NCAPD2: variants seen among roughly 807,000 people sequenced by gnomAD.
NCAPD2 encodes condensin complex subunit 1.
Under a neutral mutation model 164.5 loss-of-function variants are expected in NCAPD2, and 100 were observed. That is an observed-to-expected ratio of 0.61 (90% confidence interval 0.52 to 0.72). The LOEUF (loss-of-function observed/expected upper bound fraction) is 0.72. Ranked by LOEUF, NCAPD2 falls within the 30% of genes least tolerant of loss-of-function variation. The probability of loss-of-function intolerance (pLI) is 0.00; values close to 1 mark genes in which losing one functional copy is unlikely to be tolerated. For missense variants in NCAPD2, 1,560 were observed against 1,749.2 expected (o/e 0.89, Z 1.93); for synonymous variants, 585 against 642.6 (o/e 0.91, Z 1.36).
chr12:6,505,240 A>G (rs575538910), intron 2 of NCAPD2, among the ~76,000 whole-genome samples: 2 of 152,028 alleles, frequency 1.3e-5, no homozygotes, highest in South Asian at 4.2e-4. Flanking sequence ...CTAATTTTGT[A>G]TCTTTAGTAG....
chr12:6,510,438 TG>T (rs773249790), intron 4 of NCAPD2, 190 bp from the exon 5 acceptor site: 1 of 799,396 alleles, frequency 1.3e-6, no homozygotes, highest in South Asian at 1.3e-5. Context: ...GTAACTGGAG[TG>T]AGAGAGTAGG....
Position 6,514,263 on chromosome 12 carries a change from A to G in NCAPD2, c.588-2A>G. 3 of 1,614,190 alleles carry G rather than the reference A, an allele frequency of 1.9e-6. No homozygotes were observed. The highest frequency in any genetic ancestry group is 2.5e-6 in the Non-Finnish European group (3 of 1,180,034). ...CATCATCTCAAACTCTTCCTTTCTC[A>G]GTTTGGTTACTGGCTGTTGCTACCG... On this transcript the variant is annotated splice_acceptor_variant, in intron 6 of 31. Transcript: ENST00000315579. LOFTEE classifies it high-confidence loss of function.
chr12:6,523,911 A>G (rs924546426), intron 17 of NCAPD2, among the ~76,000 whole-genome samples: 3 of 152,156 alleles, frequency 2.0e-5, no homozygotes, highest in Non-Finnish European at 2.9e-5. Flanking sequence ...AATAATAACA[A>G]CCTCACTTAT....
Position 6,528,278 on chromosome 12 carries a change from C to A in NCAPD2, c.3249C>A (p.Ala1083=). 3.7e-6 allele frequency: 6 copies of A among 1,613,798 alleles called. No homozygotes were observed. Among genetic ancestry groups the A allele is most frequent in the Non-Finnish European group, 4.2e-6 (5 of 1,179,948 alleles). Reference sequence around the variant, plus strand: ...TCATGGTTGCCACTGGGGATCTGGCCATCCGCTTTCCCAATCTGGTGGACC... The same window carrying A: ...TCATGGTTGCCACTGGGGATCTGGCAATCCGCTTTCCCAATCTGGTGGACC... The part of the protein sequence containing the change: ...SNLMVATGDL[A]IRFPNLVDPW... The change falls in exon 25 of 32, where the codon GCC becomes GCA. Residue 1083 remains alanine (A), a synonymous_variant. Coordinates refer to ENST00000315579, the MANE Select transcript of NCAPD2 (RefSeq NM_014865.4). The surrounding 1 kb of genome is among the most constrained non-coding windows in gnomAD (Gnocchi z 5.1).
At chr12:6,520,079 G>T (rs1332188786) in intron 13 of NCAPD2, among the ~76,000 whole-genome samples, 1 of 151,578 alleles carries the variant, frequency 6.6e-6, no homozygotes, top group East Asian at 1.9e-4. Flanking sequence ...TATTTGGGGA[G>T]CTGAGGCATG....
At chr12:6,525,440 C>A in intron 17 of NCAPD2, 143 bp from the exon 18 acceptor site, 1 of 916,402 alleles carries the variant, frequency 1.1e-6, no homozygotes, top group Non-Finnish European at 1.6e-6. Context: ...CCCTGCTGTA[C>A]ATTTTGAACC....
chr12:6,521,043 C>T lies in NCAPD2; in HGVS notation c.1647C>T (p.Phe549=). The T allele has an allele frequency of 1.9e-6, 3 of 1,614,170 alleles. No homozygotes were observed. The highest frequency in any genetic ancestry group is 1.1e-5 in the South Asian group (1 of 91,086). The stretch of plus-strand genomic sequence containing the variant: ...GCCACTTCCAGGAGTCCGAACCCTT[C>T]AGTCATATAGACCCAGAGGAGTCAG... ...ATGHFQESEP[F]SHIDPEESEE... is the part of the protein sequence containing the mutation. Residue 549 remains phenylalanine, a synonymous_variant, in exon 14 of 32, where the codon TTC becomes TTT. Transcript: ENST00000315579.
At chr12:6,512,580 G>T (rs540818424) in intron 6 of NCAPD2, among the ~76,000 whole-genome samples, 2 of 152,348 alleles carry the variant, frequency 1.3e-5, no homozygotes, top group East Asian at 3.9e-4. Flanking sequence ...GAGCCAGACC[G>T]CAGGTTCTTG....
intron 2 of NCAPD2, among the ~76,000 whole-genome samples, chr12:6,502,762 T>C (rs1024717574): frequency 1.3e-5 from 2 of 152,038 alleles, no homozygotes; most frequent in Non-Finnish European, 2.9e-5. Context: ...TGCAGTAAGC[T>C]ATGATCCTGC....
rs1299792560 is a variant in NCAPD2 at position 6,494,826 on chromosome 12, A to G, written c.-23-250A>G. ...GTTTAAGTGTCAAGACCAAGTGCCA[A>G]AGTCACTACTAGAATTAGTTTCTAG... On this transcript the variant is annotated intron_variant, in intron 1 of 31. Coordinates refer to ENST00000315579, the MANE Select transcript of NCAPD2 (RefSeq NM_014865.4). 2.6e-5 allele frequency among the ~76,000 whole-genome samples: 4 copies of G among 152,346 alleles called. No individual in the cohort carries two copies. In the East Asian group the frequency reaches 7.7e-4, roughly 29 times the overall value.
chr12:6,508,853 A>C (rs1424882359), intron 2 of NCAPD2, among the ~76,000 whole-genome samples: 4 of 152,138 alleles, frequency 2.6e-5, no homozygotes, highest in Non-Finnish European at 5.9e-5. Flanking sequence ...CTGAGGACCA[A>C]CCCTCCCTTC....
intron 17 of NCAPD2, among the ~76,000 whole-genome samples, chr12:6,523,571 G>T (rs990513406): frequency 1.3e-5 from 2 of 151,902 alleles, no homozygotes; most frequent in African/African-American, 4.8e-5. Context: ...CTAGTTTTTT[G>T]TATCTTTAGT....
At chr12:6,510,272 C>T (rs763423555) in intron 4 of NCAPD2, 139 bp downstream of exon 4, 1 of 986,282 alleles carries the variant, frequency 1.0e-6, no homozygotes, top group Non-Finnish European at 1.6e-6. Context: ...TGGCTAAGCC[C>T]AGGGACCTTT....
chr12:6,498,783 AT>A (rs1946006919), intron 2 of NCAPD2, among the ~76,000 whole-genome samples: 1 of 151,384 alleles, frequency 6.6e-6, no homozygotes, highest in Non-Finnish European at 1.5e-5. Context: ...AATTTTTTGT[AT>A]TTTAGTAGAG....
intron 6 of NCAPD2, among the ~76,000 whole-genome samples, chr12:6,512,368 A>G (rs1025790054): frequency 6.6e-6 from 1 of 151,984 alleles, no homozygotes; most frequent in Non-Finnish European, 1.5e-5. Context: ...AGATGGTGAC[A>G]TTTGAGCAAA....
In NCAPD2 at chr12:6,526,442, C is replaced by G. The variant is rs747590234; in HGVS notation, c.2567-6C>G. ...CAGTAAACAACTTCTCCCTCCTCCTCTGCAGGCTTTGTCCACCCAGACCCA... is the reference window on the plus strand; with the variant it reads ...CAGTAAACAACTTCTCCCTCCTCCTGTGCAGGCTTTGTCCACCCAGACCCA... On this transcript the variant is annotated splice_polypyrimidine_tract_variant and splice_region_variant and intron_variant, in intron 20 of 31. Coordinates refer to ENST00000315579, the MANE Select transcript of NCAPD2 (RefSeq NM_014865.4). 4 of 1,614,198 alleles carry G rather than the reference C, an allele frequency of 2.5e-6. No homozygotes were observed. Among genetic ancestry groups the G allele is most frequent in the Non-Finnish European group, 3.4e-6 (4 of 1,180,032 alleles).
rs765467252 is a variant in NCAPD2, at chr12:6,514,510, G to A, written c.762G>A (p.Leu254=). 1.9e-6 allele frequency: 3 copies of A among 1,614,180 alleles called. 1 individual carries two copies. The South Asian group carries it at 3.3e-5, about 18-fold the overall frequency. ...IIQMLQHFEH[L]APVLVAAVSL... ...AGATGCTGCAGCACTTTGAACACCTGGCACCTGTACTGGTTGCAGCCGTGA... is the reference window on the plus strand; with the variant it reads ...AGATGCTGCAGCACTTTGAACACCTAGCACCTGTACTGGTTGCAGCCGTGA... The change falls in exon 8 of 32, where the codon CTG becomes CTA. Residue 254 remains leucine, a synonymous_variant. Coordinates refer to ENST00000315579, the MANE Select transcript of NCAPD2 (RefSeq NM_014865.4).
intron 29 of NCAPD2, 49 bp downstream of exon 29, chr12:6,530,007 A>G: frequency 6.4e-7 from 1 of 1,573,844 alleles, no homozygotes; most frequent in Non-Finnish European, 8.7e-7. Context: ...GGGCTGGCTA[A>G]GACATCTGCC....
At chr12:6,509,937 G>A (rs959013414) in intron 3 of NCAPD2, 138 bp from the exon 4 acceptor site, 34 of 1,256,564 alleles carry the variant, frequency 2.7e-5, no homozygotes, top group East Asian at 9.3e-5. Flanking sequence ...CATGTACCCA[G>A]CTTGCCACCG....
Sources: gnomAD v4.1 joint callset for allele counts (sites outside exome capture counted in the v4.1 genomes callset) on GRCh38, gnomAD v4.1.1 for gene constraint, Gnocchi (gnomAD v3.1) non-coding constraint, MANE v1.5 for transcripts, NCBI Gene and HGNC (gene_info 2026-07-23, HGNC 2026-07-21) for gene names.